Variants in PHTF2 observed in about 807,000 individuals in gnomAD.
PHTF2 encodes the protein protein PHTF2.
In PHTF2, 60 loss-of-function variants were observed where a neutral mutation model predicts 101.2. The ratio of observed to expected loss-of-function variants is 0.59; its 90% CI spans 0.48 to 0.73. The LOEUF (loss-of-function observed/expected upper bound fraction) is 0.73, where lower values mean the gene tolerates loss of function less well. Ranked by LOEUF, PHTF2 falls within the 30% of genes least tolerant of loss-of-function variation. PHTF2 has a pLI of 0.00. For synonymous variants in PHTF2, 311 were observed against 307.3 expected, an observed-to-expected ratio of 1.01 and a Z score of -0.13; for missense variants, 747 against 908.7, an observed-to-expected ratio of 0.82 and a Z score of 2.29.
chr7:77,832,012 A>G (rs1795112716), intron 1 of PHTF2, among the ~76,000 whole-genome samples: 1 of 151,588 alleles, frequency 6.6e-6, no homozygotes, highest in Admixed American at 6.6e-5. Flanking sequence ...AGAGGTTTTG[A>G]GTTACAAGGT....
intron 7 of PHTF2, among the ~76,000 whole-genome samples, chr7:77,904,428 C>T (rs1056433838): frequency 1.3e-5 from 2 of 152,302 alleles, no homozygotes; most frequent in African/African-American, 4.8e-5. Context: ...AGCAGTTAAT[C>T]ATAAGTGTTA....
intron 19 of PHTF2, among the ~76,000 whole-genome samples, chr7:77,954,211 G>A (rs1331935740): frequency 2.0e-5 from 3 of 152,004 alleles, no homozygotes; most frequent in Non-Finnish European, 2.9e-5. Flanking sequence ...TTGGCTCACT[G>A]CAACCTCTGC....
chr7:77,904,618 C>G (rs1801686117), intron 7 of PHTF2, among the ~76,000 whole-genome samples: 1 of 152,098 alleles, frequency 6.6e-6, no homozygotes, highest in Non-Finnish European at 1.5e-5. Context: ...CTTCACAGGG[C>G]CTTTCTTGTG....
chr7:77,903,412 T>C (rs1274339850), intron 7 of PHTF2, among the ~76,000 whole-genome samples: 2 of 152,238 alleles, frequency 1.3e-5, no homozygotes. Flanking sequence ...ATTAGAGTAA[T>C]TCAGTACCAT....
rs1797400059 is a variant in PHTF2 at position 77,858,967 on chromosome 7, G to T, written c.147+4133G>T. ...GAGTCCAGAAGTCCAAAATCAAGGTGTCAGCAAGGATGGGTTCCTTCTGGA... is the reference window on the plus strand; with the variant it reads ...GAGTCCAGAAGTCCAAAATCAAGGTTTCAGCAAGGATGGGTTCCTTCTGGA... On this transcript the variant is annotated intron_variant, in intron 3 of 19. Transcript: ENST00000416283. 8.5e-5 allele frequency among the ~76,000 whole-genome samples: 13 copies of T among 152,244 alleles called. No individual in the cohort carries two copies. The South Asian group carries it at 2.7e-3, about 32-fold the overall frequency.
chr7:77,928,483 G>C (rs958872379), intron 11 of PHTF2, among the ~76,000 whole-genome samples: 8 of 149,120 alleles, frequency 5.4e-5, no homozygotes, highest in African/African-American at 2.0e-4. Flanking sequence ...ATCCACTCTT[G>C]CTTAAAAAAA....
chr7:77,918,794 A>G (rs749799110), intron 9 of PHTF2, among the ~76,000 whole-genome samples: 1 of 152,038 alleles, frequency 6.6e-6, no homozygotes, highest in Non-Finnish European at 1.5e-5. Flanking sequence ...TGGTCTCTCC[A>G]TGCTTCTGAG....
chr7:77,956,410 T>C (rs1806994410), exon 20 of PHTF2: 1 of 152,614 alleles, frequency 6.6e-6, no homozygotes, highest in South Asian at 2.1e-4. Flanking sequence ...TCAGCCTCAA[T>C]TCAGCCTCAT....
chr7:77,830,440 GCTTCAT>G lies in PHTF2; in HGVS notation c.-35-9778_-35-9773del, dbSNP rs1185440940. Among the ~76,000 whole-genome samples, 5 of 152,346 alleles carry G rather than the reference GCTTCAT, an allele frequency of 3.3e-5. No individual in the cohort carries two copies. In the East Asian group the frequency reaches 9.6e-4, roughly 29 times the overall value. Reference sequence around the variant, plus strand: ...GTGAGCCAGTGGGCAAGTGAGCGAAGCTTCATCTGTATTTACAGCTGCCTCCCATCA... The same window carrying G: ...GTGAGCCAGTGGGCAAGTGAGCGAAGCTGTATTTACAGCTGCCTCCCATCA... On this transcript the variant is annotated intron_variant, in intron 1 of 19. Transcript: ENST00000416283.
chr7:77,847,822 G>A (rs1003492445), intron 2 of PHTF2, among the ~76,000 whole-genome samples: 5 of 152,018 alleles, frequency 3.3e-5, no homozygotes, highest in African/African-American at 1.2e-4. Context: ...TCTAACTGTG[G>A]TTTTGCACCC....
intron 3 of PHTF2, among the ~76,000 whole-genome samples, chr7:77,889,364 T>C (rs1385794330): frequency 6.6e-6 from 1 of 152,130 alleles, no homozygotes; most frequent in Non-Finnish European, 1.5e-5. Context: ...TACACACATA[T>C]CCCAAGAAAC....
At chr7:77,914,809 T>G (rs1016713099) in intron 9 of PHTF2, among the ~76,000 whole-genome samples, 3 of 152,194 alleles carry the variant, frequency 2.0e-5, no homozygotes, top group African/African-American at 7.2e-5. Context: ...ACAGCTTTCC[T>G]TGGTTTGTGC....
intron 1 of PHTF2, among the ~76,000 whole-genome samples, chr7:77,802,985 A>G (rs1792677063): frequency 6.6e-6 from 1 of 152,248 alleles, no homozygotes; most frequent in Non-Finnish European, 1.5e-5. Flanking sequence ...GAAAATATTA[A>G]GTGACATTTA....
chr7:77,948,464 G>A (rs1044000607), intron 16 of PHTF2, among the ~76,000 whole-genome samples: 11 of 152,074 alleles, frequency 7.2e-5, no homozygotes, highest in African/African-American at 1.2e-4. Flanking sequence ...GATCACAAAT[G>A]AAAATTAAAA....
chr7:77,809,614 A>G (rs1160634886), intron 1 of PHTF2, among the ~76,000 whole-genome samples: 1 of 152,182 alleles, frequency 6.6e-6, no homozygotes, highest in Non-Finnish European at 1.5e-5. Context: ...AGATTAATAG[A>G]TTAATGAGAA....
intron 3 of PHTF2, among the ~76,000 whole-genome samples, chr7:77,871,867 A>T (rs568716464): frequency 1.3e-5 from 2 of 152,286 alleles, no homozygotes; most frequent in South Asian, 4.1e-4. Flanking sequence ...GAATACCATG[A>T]TGTTGGATAA....
At chr7:77,899,272 T>A (rs1394779311) in intron 5 of PHTF2, among the ~76,000 whole-genome samples, 2 of 151,790 alleles carry the variant, frequency 1.3e-5, no homozygotes, top group African/African-American at 4.8e-5. Context: ...GGACACTGTT[T>A]ACAGTAATCA....
rs1801408564 is a variant in PHTF2, at chr7:77,901,689, GA to G, written c.287-70del. On this transcript the variant is annotated intron_variant, in intron 6 of 19. Transcript: ENST00000416283. Reference sequence around the variant, plus strand: ...TATGTGGTGATGTTTTTCAAACATTGAAATTTTTTTCTTTAAAGAAATTAAA... The same window carrying G: ...TATGTGGTGATGTTTTTCAAACATTGAATTTTTTTCTTTAAAGAAATTAAA... 4 of 789,016 alleles carry G rather than the reference GA, an allele frequency of 5.1e-6. No homozygotes were observed. The East Asian group carries it at 1.3e-4, about 25-fold the overall frequency. 48.9% of individuals were successfully genotyped at this position (789,016 alleles called of 1,614,324 possible). A position where few individuals can be genotyped will look rare whatever the true frequency, so the allele number is the denominator to read the frequency against.
intron 1 of PHTF2, among the ~76,000 whole-genome samples, chr7:77,828,052 A>T (rs542902839): frequency 6.6e-6 from 1 of 152,228 alleles, no homozygotes; most frequent in Non-Finnish European, 1.5e-5. Context: ...TCTTTAAGCC[A>T]TTTAGATATC....
Sources: allele counts gnomAD v4.1 joint callset (sites outside exome capture counted in the v4.1 genomes callset), GRCh38; gene constraint gnomAD v4.1.1; transcripts MANE v1.5; gene names NCBI Gene and HGNC (gene_info 2026-07-23, HGNC 2026-07-21).